The following FAM184A variants were observed in gnomAD, a reference collection of about 807,000 sequenced individuals.
The protein encoded by FAM184A is family with sequence similarity 184 member A.
In FAM184A, 99 loss-of-function variants were observed where a neutral mutation model predicts 143.8. The observed-to-expected ratio is 0.69, with a 90% CI of 0.58 to 0.81. FAM184A has a LOEUF of 0.81. Ranked by LOEUF, FAM184A falls within the 40% of genes least tolerant of loss-of-function variation. The pLI, the probability that FAM184A is intolerant of heterozygous loss-of-function variation, is 0.00. For synonymous variants in FAM184A, 427 were observed against 446.4 expected (o/e 0.96, Z 0.55); for missense variants, 1,217 against 1,310.5 (o/e 0.93, Z 1.10).
chr6:119,056,616 T>G (rs1257566722), intron 1 of FAM184A, among the ~76,000 whole-genome samples: 1 of 152,198 alleles, frequency 6.6e-6, no homozygotes. Context: ...ACTAATGCTA[T>G]TCATGTAACC....
At chr6:119,055,230 A>T (rs1045569359) in intron 1 of FAM184A, among the ~76,000 whole-genome samples, 2 of 152,180 alleles carry the variant, frequency 1.3e-5, no homozygotes, top group African/African-American at 4.8e-5. Context: ...TCAGTATTTC[A>T]TTCCTTTTTA....
intron 9 of FAM184A, 118 bp from the exon 10 acceptor site, chr6:118,980,468 G>T: frequency 1.4e-6 from 1 of 702,420 alleles, no homozygotes; most frequent in African/African-American, 1.8e-5. Flanking sequence ...CTGCCTTAAT[G>T]TTTCCATTTA....
chr6:119,023,216 A>AC, intron 2 of FAM184A, 136 bp from the exon 3 acceptor site: 2 of 853,786 alleles, frequency 2.3e-6, no homozygotes, highest in Non-Finnish European at 1.8e-6. Context: ...ATCTGTAAGT[A>AC]TTAGTGATTT....
At chr6:119,012,183 T>A (rs948314090) in intron 5 of FAM184A, among the ~76,000 whole-genome samples, 2 of 152,178 alleles carry the variant, frequency 1.3e-5, no homozygotes, top group East Asian at 3.8e-4. Flanking sequence ...AAGCATGTGC[T>A]AAGGCTTTTT....
At chr6:119,016,148 A>C (rs537596533) in intron 5 of FAM184A, among the ~76,000 whole-genome samples, 3 of 152,216 alleles carry the variant, frequency 2.0e-5, no homozygotes, top group Admixed American at 2.0e-4. Flanking sequence ...GAACCTTTGT[A>C]TCTAGCTCAG....
At chr6:119,136,881 A>C (rs552640251) in intron 1 of FAM184A, among the ~76,000 whole-genome samples, 7 of 152,304 alleles carry the variant, frequency 4.6e-5, no homozygotes, top group African/African-American at 1.7e-4. Context: ...GTGCTGGGAG[A>C]AGTCTGGGAT....
chr6:119,077,193 C>A (rs1485161485), intron 1 of FAM184A, among the ~76,000 whole-genome samples: 1 of 152,190 alleles, frequency 6.6e-6, no homozygotes, highest in Non-Finnish European at 1.5e-5. Flanking sequence ...TATGTGAGAA[C>A]TTTACAGTTG....
At chr6:119,001,531 A>G (rs1784756446) in intron 9 of FAM184A, among the ~76,000 whole-genome samples, 2 of 152,282 alleles carry the variant, frequency 1.3e-5, no homozygotes, top group African/African-American at 2.4e-5. Context: ...AGGTCCTCTC[A>G]GGAAAGAACT....
intron 1 of FAM184A, among the ~76,000 whole-genome samples, chr6:119,075,222 T>C (rs1787829840): frequency 6.6e-6 from 1 of 152,194 alleles, no homozygotes; most frequent in Non-Finnish European, 1.5e-5. Flanking sequence ...CTACTATATA[T>C]ACATTTTTAA....
At chr6:119,027,080 T>A (rs1785661360) in intron 1 of FAM184A, among the ~76,000 whole-genome samples, 1 of 152,196 alleles carries the variant, frequency 6.6e-6, no homozygotes, top group Admixed American at 6.5e-5. Flanking sequence ...TATGCTGAAT[T>A]CAACTCTTTA....
intron 1 of FAM184A, among the ~76,000 whole-genome samples, chr6:119,054,996 A>T (rs1294999876): frequency 6.6e-6 from 1 of 151,944 alleles, no homozygotes; most frequent in African/African-American, 2.4e-5. Context: ...CAAATTCCAT[A>T]ATATTTTCAT....
At chr6:118,971,108 A>G (rs545337500) in intron 14 of FAM184A, among the ~76,000 whole-genome samples, 97 of 152,370 alleles carry the variant, frequency 6.4e-4, no homozygotes, top group Non-Finnish European at 1.2e-3. Context: ...AATAAAGGAA[A>G]TATAGCAATT....
intron 14 of FAM184A, 112 bp from the exon 15 acceptor site, chr6:118,967,064 C>T: frequency 1.8e-6 from 1 of 558,334 alleles, no homozygotes; most frequent in Non-Finnish European, 3.1e-6. Context: ...TGAAACAAAA[C>T]TTCTTTTTTC....
intron 1 of FAM184A, among the ~76,000 whole-genome samples, chr6:119,041,450 A>T (rs930510341): frequency 2.6e-5 from 4 of 152,182 alleles, no homozygotes; most frequent in Non-Finnish European, 4.4e-5. Context: ...CAAAAACAGT[A>T]AGTAAAGAAA....
rs55995044 is a variant in FAM184A, at chr6:119,065,489, G to A, written c.159+12652C>T. On this transcript the variant is annotated intron_variant, in intron 1 of 17. Transcript: ENST00000338891. Reference sequence around the variant, plus strand: ...GCTGTTTTAAGCTGCCAAATTTGGGGATAATTTTTTACCCAGCAATAGGTA... The same window carrying A: ...GCTGTTTTAAGCTGCCAAATTTGGGAATAATTTTTTACCCAGCAATAGGTA... Among the ~76,000 whole-genome samples the A allele has an allele frequency of 3.2e-3, 483 of 152,308 alleles. 7 individuals are homozygous for A. Among genetic ancestry groups the A allele is most frequent in the African/African-American group, 0.011 (471 of 41,566 alleles).
At chr6:119,111,044 A>G (rs959766072) in intron 1 of FAM184A, among the ~76,000 whole-genome samples, 1 of 152,204 alleles carries the variant, frequency 6.6e-6, no homozygotes, top group African/African-American at 2.4e-5. Context: ...CCTTATGCTT[A>G]CTTAAAATTG....
Position 119,075,009 on chromosome 6 carries a change from T to C in FAM184A, c.159+3132A>G, listed in dbSNP as rs567082311. Among the ~76,000 whole-genome samples the C allele has an allele frequency of 1.1e-3, 171 of 152,338 alleles. 1 individual carries two copies. Among genetic ancestry groups the C allele is most frequent in the African/African-American group, 3.9e-3 (161 of 41,580 alleles). On this transcript the variant is annotated intron_variant, in intron 1 of 17. Transcript: ENST00000338891. The stretch of plus-strand genomic sequence containing the variant: ...TTAGGAAATAGGATATGAACAAATA[T>C]GCATACAGCAAAGACTGCTTTTTAA...
At chr6:119,048,299 A>G (rs1356054761) in intron 1 of FAM184A, among the ~76,000 whole-genome samples, 14 of 152,218 alleles carry the variant, frequency 9.2e-5, no homozygotes, top group Admixed American at 8.5e-4. Context: ...AGCTGGAAGC[A>G]TTTCCCTTGA....
intron 1 of FAM184A, among the ~76,000 whole-genome samples, chr6:119,098,465 G>A (rs1788564022): frequency 6.6e-6 from 1 of 152,214 alleles, no homozygotes; most frequent in Non-Finnish European, 1.5e-5. Flanking sequence ...ACTTTTTAAA[G>A]GCAGGAGTAA....
Sources: allele counts gnomAD v4.1 joint callset (sites outside exome capture counted in the v4.1 genomes callset), GRCh38; gene constraint gnomAD v4.1.1; transcripts MANE v1.5; gene names NCBI Gene and HGNC (gene_info 2026-07-23, HGNC 2026-07-21).